The following RAB5B variants were observed in gnomAD, a reference collection of about 807,000 sequenced individuals.
The protein encoded by RAB5B is RAB5B, member RAS oncogene family.
RAB5B carries 11 observed loss-of-function variants against 28.6 expected under a neutral mutation model. The observed-to-expected ratio is 0.38, with a 90% confidence interval of 0.24 to 0.64. RAB5B has a LOEUF of 0.64. RAB5B is among the 30% of genes least tolerant of loss of function. The probability of loss-of-function intolerance (pLI) is 0.53; values close to 1 mark genes in which losing one functional copy is unlikely to be tolerated. For synonymous variants in RAB5B, 93 were observed against 97.9 expected (o/e 0.95, Z 0.29); for missense variants, 169 against 265.6 (o/e 0.64, Z 2.53).
intron 1 of RAB5B, chr12:55,980,745 C>G (rs1389793601): frequency 3.0e-5 from 48 of 1,578,806 alleles, no homozygotes; most frequent in African/African-American, 4.1e-5. Context: ...TGAATATTCT[C>G]GAAAGATTTC....
chr12:55,985,672 C>T (rs772485511), intron 1 of RAB5B: 2 of 455,584 alleles, frequency 4.4e-6, no homozygotes, highest in Non-Finnish European at 8.8e-6. Flanking sequence ...TGATTGCTTG[C>T]AGACTTAACG....
chr12:55,995,972 C>CATATATATATACATATATATAT lies in RAB5B; in HGVS notation c.*3771_*3792dup, dbSNP rs1555197252. 2.8e-5 allele frequency: 3 copies of CATATATATATACATATATATAT among 108,906 alleles called. No individual in the cohort carries two copies. The highest frequency in any genetic ancestry group is 4.5e-4 in the East Asian group (2 of 4,414). The allele number at this position is 108,906 out of a possible 1,614,324, so 6.7% of individuals were successfully genotyped here. A position where few individuals can be genotyped will look rare whatever the true frequency, so the allele number is the denominator to read the frequency against. On this transcript the variant is annotated 3_prime_UTR_variant, in exon 6 of 6. Coordinates refer to ENST00000360299, the MANE Select transcript of RAB5B (RefSeq NM_002868.4). ...CTCTCTCTCTCACTCTCTCTCTCTC[C>CATATATATATACATATATATAT]ATATATATATACATATATATATATA...
In RAB5B at chr12:55,980,386, G is replaced by A. The variant is rs1260245559; in HGVS notation, c.-93+6247G>A. ...CTCCCTCTGCTGTTGTCTCCCTCAG[G>A]TTCAGCTTCCGGGGTGGGGAGGCAA... On this transcript the variant is annotated intron_variant, in intron 1 of 5. Coordinates refer to ENST00000360299, the MANE Select transcript of RAB5B (RefSeq NM_002868.4). The A allele has an allele frequency of 4.7e-6, 7 of 1,504,132 alleles. No homozygotes were observed. In the African/African-American group the frequency reaches 9.7e-5, roughly 21 times the overall value. The allele number at this position is 1,504,132 out of a possible 1,614,324, so 93.2% of individuals were successfully genotyped here. A position where few individuals can be genotyped will look rare whatever the true frequency, so the allele number is the denominator to read the frequency against.
intron 1 of RAB5B, among the ~76,000 whole-genome samples, chr12:55,977,264 C>G (rs191874687): frequency 2.1e-5 from 3 of 143,582 alleles, no homozygotes; most frequent in Non-Finnish European, 4.6e-5. Context: ...AGTGAGCCAC[C>G]GCGCCTGGCC....
At position 55,996,003 on chromosome 12, in the gene RAB5B, A is replaced by ATATATATATATTTTTTTTTTTTTTTTTT; in HGVS notation, c.*3792_*3793insATATATATATTTTTTTTTTTTTTTTTTT. ...TATATACATATATATATATATATATATTTTTTTTTTAACAACTGGTAGGAT... is the reference window on the plus strand; with the variant it reads ...TATATACATATATATATATATATATATATATATATATTTTTTTTTTTTTTTTTTTTTTTTTTTTAACAACTGGTAGGAT... On this transcript the variant is annotated 3_prime_UTR_variant, in exon 6 of 6. Transcript: ENST00000360299. The ATATATATATATTTTTTTTTTTTTTTTTT allele has an allele frequency of 1.0e-5, 1 of 97,404 alleles. No individual in the cohort carries two copies. Among genetic ancestry groups the ATATATATATATTTTTTTTTTTTTTTTTT allele is most frequent in the African/African-American group, 4.7e-5 (1 of 21,146 alleles). The allele number at this position is 97,404 out of a possible 1,614,324, so 6.0% of individuals were successfully genotyped here.
At chr12:55,987,821 A>C (rs1269438100) in intron 2 of RAB5B, among the ~76,000 whole-genome samples, 1 of 148,932 alleles carries the variant, frequency 6.7e-6, no homozygotes, top group East Asian at 2.0e-4. Context: ...ACAAGAGCAA[A>C]ACTCCATCTC....
intron 2 of RAB5B, among the ~76,000 whole-genome samples, chr12:55,989,094 A>G (rs2136487125): frequency 6.6e-6 from 1 of 151,236 alleles, no homozygotes; most frequent in African/African-American, 2.4e-5. Context: ...GGCGTCCATC[A>G]CCATGCCTGG....
chr12:55,977,045 G>T (rs1430418762), intron 1 of RAB5B, among the ~76,000 whole-genome samples: 2 of 152,056 alleles, frequency 1.3e-5, no homozygotes, highest in Non-Finnish European at 2.9e-5. Flanking sequence ...CATGATCTCG[G>T]CTCACTGCAA....
At position 55,996,003 on chromosome 12, in the gene RAB5B, A is replaced by ATATATATATATTTTTTTTTTTTTT; in HGVS notation, c.*3792_*3793insATATATATATTTTTTTTTTTTTTT. 2.1e-5 allele frequency: 2 copies of ATATATATATATTTTTTTTTTTTTT among 97,406 alleles called. No individual in the cohort carries two copies. The highest frequency in any genetic ancestry group is 1.1e-4 in the Admixed American group (1 of 9,314). 6.0% of individuals were successfully genotyped at this position (97,406 alleles called of 1,614,324 possible). On this transcript the variant is annotated 3_prime_UTR_variant, in exon 6 of 6. Coordinates refer to ENST00000360299, the MANE Select transcript of RAB5B (RefSeq NM_002868.4). ...TATATACATATATATATATATATAT[A>ATATATATATATTTTTTTTTTTTTT]TTTTTTTTTTAACAACTGGTAGGAT...
chr12:55,989,131 G>A lies in RAB5B; in HGVS notation c.164-816G>A, dbSNP rs368282959. The stretch of plus-strand genomic sequence containing the variant: ...TAACTTTTGTGTTTTTAGTAGAGGC[G>A]GGGTTTCACTATGTTGGCCAGGCTG... On this transcript the variant is annotated intron_variant, in intron 2 of 5. Transcript: ENST00000360299. Among the ~76,000 whole-genome samples, 49 of 147,728 alleles carry A rather than the reference G, an allele frequency of 3.3e-4. No individual in the cohort carries two copies. The East Asian group carries it at 8.9e-3, about 27-fold the overall frequency.
chr12:55,987,761 G>T (rs1398734531), intron 2 of RAB5B, among the ~76,000 whole-genome samples: 2 of 150,858 alleles, frequency 1.3e-5, no homozygotes, highest in African/African-American at 4.9e-5. Flanking sequence ...AACCCAGGGG[G>T]CAGAGGTTGT....
At chr12:55,980,313 T>G in intron 1 of RAB5B, 1 of 811,488 alleles carries the variant, frequency 1.2e-6, no homozygotes, top group Non-Finnish European at 2.1e-6. Flanking sequence ...CTCTTTACCA[T>G]CTACCTATGT....
At chr12:55,988,159 A>C (rs1345303076) in intron 2 of RAB5B, among the ~76,000 whole-genome samples, 1 of 151,678 alleles carries the variant, frequency 6.6e-6, no homozygotes, top group Non-Finnish European at 1.5e-5. Context: ...CAAAAAAACA[A>C]AACAACAACA....
At chr12:55,987,558 CAG>C (rs1451990977) in intron 2 of RAB5B, among the ~76,000 whole-genome samples, 1 of 152,030 alleles carries the variant, frequency 6.6e-6, no homozygotes, top group Non-Finnish European at 1.5e-5. Flanking sequence ...TTTATAAAAA[CAG>C]AGGCCGGTCC....
intron 2 of RAB5B, 54 bp from the exon 3 acceptor site, chr12:55,989,893 T>C: frequency 6.5e-7 from 1 of 1,542,882 alleles, no homozygotes; most frequent in Non-Finnish European, 9.0e-7. Context: ...GGGAGGGATG[T>C]TCCCATTCAT....
chr12:55,993,828 G>A lies in RAB5B; in HGVS notation c.*1616G>A, dbSNP rs185902941. ...GGAGAGGGAATGACCGGCACTGAAGGTACCTTACAACTGGCTCATATTATC... is the reference window on the plus strand; with the variant it reads ...GGAGAGGGAATGACCGGCACTGAAGATACCTTACAACTGGCTCATATTATC... On this transcript the variant is annotated 3_prime_UTR_variant, in exon 6 of 6. Transcript: ENST00000360299. 1.3e-5 allele frequency: 2 copies of A among 152,440 alleles called. No homozygotes were observed. Among genetic ancestry groups the A allele is most frequent in the Non-Finnish European group, 2.9e-5 (2 of 68,038 alleles). 9.4% of individuals were successfully genotyped at this position (152,440 alleles called of 1,614,324 possible).
chr12:55,990,152 A>G (rs1351355428), intron 3 of RAB5B, 54 bp downstream of exon 3: 28 of 1,543,528 alleles, frequency 1.8e-5, no homozygotes, highest in East Asian at 7.0e-5. Flanking sequence ...GCTTACGCCT[A>G]TAATCCCAAC....
intron 2 of RAB5B, among the ~76,000 whole-genome samples, chr12:55,989,717 C>T (rs1890052652): frequency 6.6e-6 from 1 of 152,098 alleles, no homozygotes; most frequent in Non-Finnish European, 1.5e-5. Flanking sequence ...TATGATGTAC[C>T]CCCATTCCTT....
rs779870570 is a variant in RAB5B at position 55,990,748 on chromosome 12, A to G, written c.382A>G (p.Ile128Val). The G allele has an allele frequency of 2.5e-6, 4 of 1,614,130 alleles. No homozygotes were observed. The highest frequency in any genetic ancestry group is 3.3e-5 in the Admixed American group (2 of 60,030). The change falls in exon 4 of 6, where the codon ATT (isoleucine) becomes GTT (valine). Residue 128 changes from isoleucine to valine, a missense_variant. By Grantham distance (29) the Ile-to-Val change is conservative. Coordinates refer to ENST00000360299, the MANE Select transcript of RAB5B (RefSeq NM_002868.4). ...LQRQASPSIV[I>V]ALAGNKADLA... ...GCGACAGGCCAGTCCTAGCATCGTT[A>G]TTGCCCTGGCAGGGAACAAAGCTGA... is the stretch of plus-strand genomic sequence containing the variant.
Sources: gnomAD v4.1 joint callset for allele counts (sites outside exome capture counted in the v4.1 genomes callset) on GRCh38, gnomAD v4.1.1 for gene constraint, MANE v1.5 for transcripts, NCBI Gene and HGNC (gene_info 2026-07-23, HGNC 2026-07-21) for gene names.